The following PCDHGA1 variants were observed in gnomAD, a reference collection of about 807,000 sequenced individuals.
The protein encoded by PCDHGA1 is protocadherin gamma-A1.
In PCDHGA1, 32 loss-of-function variants were observed where a neutral mutation model predicts 58.0. The observed-to-expected ratio is 0.55, with a 90% CI of 0.42 to 0.74. PCDHGA1 has a LOEUF of 0.74. Among genes scored for constraint, PCDHGA1 ranks in the 30% least tolerant of loss-of-function variants. The probability of loss-of-function intolerance (pLI) is 0.00; values close to 1 mark genes in which losing one functional copy is unlikely to be tolerated. For missense variants in PCDHGA1, 1,205 were observed against 1,182.3 expected (o/e 1.02, Z -0.28); for synonymous variants, 498 against 501.1 (o/e 0.99, Z 0.08).
In PCDHGA1 at chr5:141,361,275, A is replaced by G. The variant is rs1366836369; in HGVS notation, c.2421+28170A>G. ...GAGACAGAGACTCTGGAGAAAATGGAGAAGTTTACTGCCAAGTGTTGGGAA... is the reference window on the plus strand; with the variant it reads ...GAGACAGAGACTCTGGAGAAAATGGGGAAGTTTACTGCCAAGTGTTGGGAA... On this transcript the variant is annotated intron_variant, in intron 1 of 3. Coordinates refer to ENST00000517417, the MANE Select transcript of PCDHGA1 (RefSeq NM_018912.3). 3 of 1,613,976 alleles carry G rather than the reference A, an allele frequency of 1.9e-6. No individual in the cohort carries two copies. In the East Asian group the frequency reaches 6.7e-5, roughly 36 times the overall value.
In PCDHGA1 at chr5:141,510,976, G is replaced by A. The variant is rs752758180; in HGVS notation, c.2599G>A (p.Gly867Arg). The change falls in exon 4 of 4, where the codon GGG (glycine) becomes AGG (arginine). Residue 867 changes from glycine to arginine, a missense_variant. Gly to Arg is a moderately radical substitution (Grantham distance 125, BLOSUM62 -2). Transcript: ENST00000517417. ...EAADGSSTLG[G>R]GAGTMGLSAR... ...TGCTGATGGGAGCTCCACCCTGGGA[G>A]GGGGTGCCGGCACCATGGGATTGAG... The A allele has an allele frequency of 5.0e-6, 8 of 1,614,046 alleles. No individual in the cohort carries two copies. The highest frequency in any genetic ancestry group is 6.8e-6 in the Non-Finnish European group (8 of 1,180,022).
intron 1 of PCDHGA1, chr5:141,442,197 A>G (rs1267971703): frequency 1.3e-5 from 2 of 153,426 alleles, no homozygotes; most frequent in African/African-American, 4.8e-5. Context: ...ATTAATTTAT[A>G]TCTGGTGATT....
chr5:141,446,639 G>C (rs1461520959), intron 1 of PCDHGA1, among the ~76,000 whole-genome samples: 1 of 152,116 alleles, frequency 6.6e-6, no homozygotes, highest in Non-Finnish European at 1.5e-5. Context: ...ACCACGCCTG[G>C]CTAATTTTTG....
chr5:141,497,986 G>T (rs1404550601), intron 2 of PCDHGA1, among the ~76,000 whole-genome samples: 1 of 152,176 alleles, frequency 6.6e-6, no homozygotes, highest in Non-Finnish European at 1.5e-5. Context: ...GGAGGCCCCT[G>T]CCCTCAAGGA....
intron 1 of PCDHGA1, chr5:141,395,065 A>G: frequency 6.2e-7 from 1 of 1,614,132 alleles, no homozygotes; most frequent in South Asian, 1.1e-5. Context: ...GCTTTCCTGC[A>G]GACCTATTCC....
At chr5:141,384,470 A>G in intron 1 of PCDHGA1, 1 of 1,614,120 alleles carries the variant, frequency 6.2e-7, no homozygotes, top group South Asian at 1.1e-5. Context: ...GATTATGAGC[A>G]GTTGAGAGAA....
At chr5:141,372,062 C>G (rs1768364404) in intron 1 of PCDHGA1, 2 of 1,613,470 alleles carry the variant, frequency 1.2e-6, no homozygotes, top group South Asian at 2.2e-5. Flanking sequence ...ACGACCGCAA[C>G]GACAATGCAC....
chr5:141,353,558 C>T (rs1204482590), intron 1 of PCDHGA1, among the ~76,000 whole-genome samples: 1 of 152,144 alleles, frequency 6.6e-6, no homozygotes, highest in East Asian at 1.9e-4. Context: ...CAATATTATT[C>T]CCACTCTATA....
chr5:141,485,762 G>A lies in PCDHGA1; in HGVS notation c.2422-9045G>A, dbSNP rs774145313. 3.1e-6 allele frequency: 5 copies of A among 1,614,226 alleles called. No homozygotes were observed. The highest frequency in any genetic ancestry group is 3.3e-5 in the Admixed American group (2 of 60,030). ...CAGCCTGGTCCCAGAGCTGCTCCTG[G>A]AGAAGCCTTTGGATCGAGAGAAGCA... On this transcript the variant is annotated intron_variant, in intron 1 of 3. Transcript: ENST00000517417. The surrounding 1 kb of genome is among the most constrained non-coding windows in gnomAD (Gnocchi z 5.7).
intron 1 of PCDHGA1, among the ~76,000 whole-genome samples, chr5:141,453,065 G>A (rs1308047230): frequency 3.3e-5 from 5 of 151,960 alleles, no homozygotes; most frequent in African/African-American, 1.2e-4. Flanking sequence ...TTAGAGTTTT[G>A]CCACACTCTG....
intron 1 of PCDHGA1, chr5:141,400,228 C>T: frequency 1.2e-6 from 2 of 1,614,030 alleles, no homozygotes; most frequent in African/African-American, 2.7e-5. Flanking sequence ...GCTCTTCCTC[C>T]TGGCCGTGAT....
At chr5:141,391,312 T>C (rs2092346265) in intron 1 of PCDHGA1, 1 of 151,466 alleles carries the variant, frequency 6.6e-6, no homozygotes, top group African/African-American at 2.4e-5. Flanking sequence ...GATTCTTTTT[T>C]TTTTCTTTTT....
In PCDHGA1 at chr5:141,491,893, G is replaced by A; in HGVS notation, c.2422-2914G>A. The stretch of plus-strand genomic sequence containing the variant: ...GGCCGATTAAGGGATGGGGCTCCGA[G>A]CACCGGGGGTGGTGGCGACTGTGGG... On this transcript the variant is annotated intron_variant, in intron 1 of 3. Transcript: ENST00000517417. This position sits in a 1 kb window ranked among gnomAD's most constrained non-coding sequence, Gnocchi z 6.9. 9 of 1,438,856 alleles carry A rather than the reference G, an allele frequency of 6.3e-6. No individual in the cohort carries two copies. Among genetic ancestry groups the A allele is most frequent in the Non-Finnish European group, 8.3e-6 (9 of 1,088,104 alleles). 89.1% of individuals were successfully genotyped at this position (1,438,856 alleles called of 1,614,324 possible). A position where few individuals can be genotyped will look rare whatever the true frequency, so the allele number is the denominator to read the frequency against.
intron 1 of PCDHGA1, chr5:141,399,141 C>G: frequency 6.2e-7 from 1 of 1,613,778 alleles, no homozygotes; most frequent in Non-Finnish European, 8.5e-7. Flanking sequence ...ATGAAAATGA[C>G]AATAGCCCAG....
chr5:141,338,345 G>A (rs553536210), intron 1 of PCDHGA1, among the ~76,000 whole-genome samples: 1 of 152,178 alleles, frequency 6.6e-6, no homozygotes, highest in Admixed American at 6.5e-5. Flanking sequence ...GAAGGTAAAT[G>A]CAAAGCCATC....
chr5:141,421,945 AT>A (rs1473318347), intron 1 of PCDHGA1: 1 of 1,613,342 alleles, frequency 6.2e-7, no homozygotes, highest in Non-Finnish European at 8.5e-7. Flanking sequence ...AAATGATCAC[AT>A]CCCAATGTTT....
At chr5:141,344,701 C>G (rs1757457435) in intron 1 of PCDHGA1, 1 of 1,613,998 alleles carries the variant, frequency 6.2e-7, no homozygotes, top group African/African-American at 1.3e-5. Context: ...CCTGTCCACT[C>G]TGGCAACTTG....
At chr5:141,499,908 G>T (rs903753761) in intron 2 of PCDHGA1, among the ~76,000 whole-genome samples, 1 of 151,980 alleles carries the variant, frequency 6.6e-6, no homozygotes, top group African/African-American at 2.4e-5. Flanking sequence ...GGCTGGTCTT[G>T]AACTCCTGGC....
chr5:141,507,251 A>G (rs958917337), intron 3 of PCDHGA1: 3 of 152,400 alleles, frequency 2.0e-5, no homozygotes, highest in Non-Finnish European at 4.4e-5. Context: ...TGAATGTCAG[A>G]TAAACAGCAA....
Sources: gnomAD v4.1 joint callset for allele counts (sites outside exome capture counted in the v4.1 genomes callset) on GRCh38, gnomAD v4.1.1 for gene constraint, Gnocchi (gnomAD v3.1) non-coding constraint, MANE v1.5 for transcripts, NCBI Gene and HGNC (gene_info 2026-07-23, HGNC 2026-07-21) for gene names.